WWOX: variants seen among roughly 807,000 people sequenced by gnomAD.
WWOX encodes WW domain-containing oxidoreductase.
In WWOX, 69 loss-of-function variants were observed where a neutral mutation model predicts 46.2. The observed-to-expected ratio is 1.49, with a 90% confidence interval of 1.23 to 1.82. The LOEUF is 1.82. Ranked by LOEUF, WWOX falls within the 40% of genes most tolerant of loss-of-function variation. The pLI is 0.00. For synonymous variants in WWOX, 359 were observed against 202.6 expected, an observed-to-expected ratio of 1.77 and a Z score of -6.56; for missense variants, 919 against 542.6, an observed-to-expected ratio of 1.69 and a Z score of -6.89.
chr16:78,130,723 T>A (rs1423455051), intron 4 of WWOX, among the ~76,000 whole-genome samples: 1 of 152,224 alleles, frequency 6.6e-6, no homozygotes, highest in Non-Finnish European at 1.5e-5. Context: ...CACGCCCTTA[T>A]TCAGTCTTTT....
rs1167589171 is a variant in WWOX at position 78,887,130 on chromosome 16, GTGTGTA to G, written c.1057-324476_1057-324471del. Among the ~76,000 whole-genome samples, 6 of 124,542 alleles carry G rather than the reference GTGTGTA, an allele frequency of 4.8e-5. No individual in the cohort carries two copies. The East Asian group carries it at 1.1e-3, about 22-fold the overall frequency. The allele number at this position is 124,542 out of a possible 152,430, so 81.7% of individuals were successfully genotyped here. A position where few individuals can be genotyped will look rare whatever the true frequency, so the allele number is the denominator to read the frequency against. Reference sequence around the variant, plus strand: ...TGTGTGTGTGTGTGTGTGTGTGTGTGTGTGTATACCTAGTCTAGGGCTAGGTTTGGG... The same window carrying G: ...TGTGTGTGTGTGTGTGTGTGTGTGTGTACCTAGTCTAGGGCTAGGTTTGGG... On this transcript the variant is annotated intron_variant, in intron 8 of 8. Coordinates refer to ENST00000566780, the MANE Select transcript of WWOX (RefSeq NM_016373.4).
chr16:78,363,770 G>A (rs1265488161), intron 5 of WWOX, among the ~76,000 whole-genome samples: 3 of 152,162 alleles, frequency 2.0e-5, no homozygotes, highest in Admixed American at 1.3e-4. Flanking sequence ...AACATCATGA[G>A]CTCAAACCCC....
chr16:79,102,832 C>A (rs1229873270), intron 8 of WWOX, among the ~76,000 whole-genome samples: 1 of 152,076 alleles, frequency 6.6e-6, no homozygotes, highest in African/African-American at 2.4e-5. Flanking sequence ...GAGTGGCATT[C>A]TTTTCTGGTC....
chr16:78,286,695 AAAAAT>A (rs1025976269), intron 5 of WWOX, among the ~76,000 whole-genome samples: 3 of 152,240 alleles, frequency 2.0e-5, no homozygotes, highest in East Asian at 1.9e-4. Flanking sequence ...CAAAGCAGTA[AAAAAT>A]AAAATAAAAT....
chr16:79,191,597 T>C (rs1322373766), intron 8 of WWOX, among the ~76,000 whole-genome samples: 1 of 152,218 alleles, frequency 6.6e-6, no homozygotes, highest in African/African-American at 2.4e-5. Context: ...CTGATGATCA[T>C]TTGAGACATA....
chr16:78,555,649 T>C lies in WWOX; in HGVS notation c.1056+122897T>C, dbSNP rs137959778. Among the ~76,000 whole-genome samples the C allele has an allele frequency of 1.1e-3, 162 of 151,948 alleles. 1 individual carries two copies. The East Asian group carries it at 0.023, about 22-fold the overall frequency. ...TTGTTGCTGTACGTCTGAAGGGCTT[T>C]AGTCCTCTTATGAGCAAGGCAAAAG... On this transcript the variant is annotated intron_variant, in intron 8 of 8. Coordinates refer to ENST00000566780, the MANE Select transcript of WWOX (RefSeq NM_016373.4).
intron 5 of WWOX, chr16:78,237,444 A>G (rs778998465): frequency 1.3e-5 from 2 of 152,190 alleles, no homozygotes; most frequent in African/African-American, 4.8e-5. Flanking sequence ...TTGAACATCA[A>G]AGGCAAGTAG....
At chr16:78,391,195 TGAGGCTGCAAAG>T (rs2082168363) in intron 6 of WWOX, among the ~76,000 whole-genome samples, 1 of 152,000 alleles carries the variant, frequency 6.6e-6, no homozygotes, top group Non-Finnish European at 1.5e-5. Flanking sequence ...TGCTGGGAGG[TGAGGCTGCAAAG>T]GAGGCTGTTG....
At chr16:78,738,762 G>C (rs868829457) in intron 8 of WWOX, among the ~76,000 whole-genome samples, 1 of 152,168 alleles carries the variant, frequency 6.6e-6, no homozygotes, top group African/African-American at 2.4e-5. Context: ...CAGCTGGTTA[G>C]ACCAGGGCTG....
intron 8 of WWOX, among the ~76,000 whole-genome samples, chr16:79,111,109 C>T (rs1348598115): frequency 3.3e-5 from 5 of 152,012 alleles, no homozygotes; most frequent in Non-Finnish European, 7.4e-5. Context: ...GGAGGGTGTC[C>T]CAAGACTCAA....
chr16:78,328,276 C>G (rs2080675253), intron 5 of WWOX, among the ~76,000 whole-genome samples: 1 of 152,042 alleles, frequency 6.6e-6, no homozygotes, highest in Non-Finnish European at 1.5e-5. Context: ...TTGTCGTGGT[C>G]TTGTTTATAA....
intron 5 of WWOX, chr16:78,355,758 C>T (rs1203012256): frequency 2.8e-6 from 2 of 710,760 alleles, no homozygotes; most frequent in African/African-American, 3.7e-5. Context: ...TATGAATCAA[C>T]AAAACAGAAT....
chr16:78,549,509 C>G (rs766324936), intron 8 of WWOX, among the ~76,000 whole-genome samples: 10 of 152,142 alleles, frequency 6.6e-5, no homozygotes, highest in African/African-American at 1.9e-4. Context: ...ATTAATCATG[C>G]TATCTCGACT....
At chr16:78,858,716 A>G (rs185387964) in intron 8 of WWOX, among the ~76,000 whole-genome samples, 5 of 151,836 alleles carry the variant, frequency 3.3e-5, no homozygotes, top group East Asian at 1.9e-4. Context: ...GTCTTACTTC[A>G]TCACCCATTC....
At chr16:78,772,759 C>G (rs968648006) in intron 8 of WWOX, among the ~76,000 whole-genome samples, 14 of 152,148 alleles carry the variant, frequency 9.2e-5, no homozygotes, top group African/African-American at 2.2e-4. Context: ...TGGCTCACAC[C>G]TGTAATCTCA....
At position 78,635,735 on chromosome 16, in the gene WWOX, C is replaced by T. The variant is rs148774216; in HGVS notation, c.1056+202983C>T. On this transcript the variant is annotated intron_variant, in intron 8 of 8. Coordinates refer to ENST00000566780, the MANE Select transcript of WWOX (RefSeq NM_016373.4). ...TCTCCGTCCACATCAATGTCGTCAT[C>T]GTCCTTATGAAAAGCCCTGGGCATC... is the stretch of plus-strand genomic sequence containing the variant. Among the ~76,000 whole-genome samples, 70 of 152,266 alleles carry T rather than the reference C, an allele frequency of 4.6e-4. 1 individual carries two copies. In the East Asian group the frequency reaches 9.1e-3, roughly 20 times the overall value.
chr16:78,568,064 C>T (rs895642055), intron 8 of WWOX, among the ~76,000 whole-genome samples: 2 of 152,132 alleles, frequency 1.3e-5, no homozygotes, highest in Admixed American at 6.5e-5. Context: ...ACAGTGCCTG[C>T]GAGAGACTCT....
intron 5 of WWOX, among the ~76,000 whole-genome samples, chr16:78,176,616 A>G (rs1345224031): frequency 2.0e-5 from 3 of 152,166 alleles, no homozygotes; most frequent in African/African-American, 4.8e-5. Context: ...TTATTGCACT[A>G]ATATTATGGC....
Position 78,842,800 on chromosome 16 carries a change from C to G in WWOX, c.1057-368808C>G, listed in dbSNP as rs375110902. Among the ~76,000 whole-genome samples the G allele has an allele frequency of 1.0e-3, 133 of 132,908 alleles. 3 individuals carry two copies. The highest frequency in any genetic ancestry group is 3.0e-3 in the African/African-American group (122 of 40,156). 87.2% of individuals were successfully genotyped at this position (132,908 alleles called of 152,430 possible). A position where few individuals can be genotyped will look rare whatever the true frequency, so the allele number is the denominator to read the frequency against. On this transcript the variant is annotated intron_variant, in intron 8 of 8. Transcript: ENST00000566780. ...CCAGGAGGCGGAGGTTGCAGTCAAC[C>G]AAGATCACGCCACTGCACACCAGCC...
Sources: gnomAD v4.1 joint callset for allele counts (sites outside exome capture counted in the v4.1 genomes callset) on GRCh38, gnomAD v4.1.1 for gene constraint, MANE v1.5 for transcripts, NCBI Gene and HGNC (gene_info 2026-07-23, HGNC 2026-07-21) for gene names.